Variants in TENM2 observed in about 807,000 individuals in gnomAD.
TENM2 encodes teneurin transmembrane protein 2, also known as teneurin-2.
TENM2 carries 52 observed loss-of-function variants against 245.2 expected under a neutral mutation model. The ratio of observed to expected loss-of-function variants is 0.21; its 90% confidence interval spans 0.17 to 0.27. TENM2 has a LOEUF of 0.27. TENM2 is among the 10% of genes least tolerant of loss of function. The pLI, the probability that TENM2 is intolerant of heterozygous loss-of-function variation, is 1.00. For missense variants in TENM2, 3,046 were observed against 3,666.8 expected, an observed-to-expected ratio of 0.83 and a Z score of 4.37; for synonymous variants, 1,363 against 1,438.9, an observed-to-expected ratio of 0.95 and a Z score of 1.19.
rs1320731184 is a variant in TENM2, at chr5:168,117,517, A to G, written c.1814-775A>G. Among the ~76,000 whole-genome samples, 15 of 152,234 alleles carry G rather than the reference A, an allele frequency of 9.9e-5. 1 individual carries two copies. Among genetic ancestry groups the G allele is most frequent in the Admixed American group, 9.8e-4 (15 of 15,288 alleles). ...GGCCCAGTAAGAGATTAACAATAAT[A>G]ATAAAATAGAACAATTAAAGCAGTA... On this transcript the variant is annotated intron_variant, in intron 9 of 28. Coordinates refer to ENST00000518659, the Ensembl canonical transcript of TENM2.
the TENM2 span, among the ~76,000 whole-genome samples, chr5:166,989,319 G>C: frequency 1.4e-5 from 2 of 142,344 alleles, no homozygotes; most frequent in Admixed American, 1.5e-4. Flanking sequence ...GAGTGCAGTG[G>C]CACAATCTCA....
intron 1 of TENM2, among the ~76,000 whole-genome samples, chr5:167,366,903 AATTG>A (rs1206647915): frequency 1.3e-5 from 2 of 152,234 alleles, no homozygotes; most frequent in Non-Finnish European, 1.5e-5. Context: ...TTAATACTGA[AATTG>A]ATTTTTAATT....
In TENM2 at chr5:167,401,952, A is replaced by G. The variant is rs566724617; in HGVS notation, c.502+26479A>G. On this transcript the variant is annotated intron_variant, in intron 2 of 28. Transcript: ENST00000518659. The stretch of plus-strand genomic sequence containing the variant: ...CTTCCCACCCCATGTCACCTCCCCA[A>G]CCAACAAATGCATATTTAATGGCCC... Among the ~76,000 whole-genome samples the G allele has an allele frequency of 2.7e-4, 41 of 152,192 alleles. 1 individual carries two copies. Among genetic ancestry groups the G allele is most frequent in the Admixed American group, 5.2e-4 (8 of 15,262 alleles).
chr5:167,955,152 C>T (rs578077455), intron 4 of TENM2, among the ~76,000 whole-genome samples: 1 of 152,130 alleles, frequency 6.6e-6, no homozygotes, highest in African/African-American at 2.4e-5. Context: ...TTTCAATGAT[C>T]GCCATTGTAA....
chr5:167,281,828 G>A (rs1163020438), upstream of TENM2, among the ~76,000 whole-genome samples: 3 of 151,902 alleles, frequency 2.0e-5, no homozygotes, highest in African/African-American at 4.8e-5. Flanking sequence ...GTGAAACCCC[G>A]TCTCTACTAA....
the TENM2 span, among the ~76,000 whole-genome samples, chr5:167,225,683 A>C: frequency 6.6e-6 from 1 of 151,976 alleles, no homozygotes; most frequent in Non-Finnish European, 1.5e-5. Flanking sequence ...GCCTCATAGA[A>C]TAGTTAGGAA....
At chr5:168,097,069 A>G (rs1793429130) in intron 8 of TENM2, among the ~76,000 whole-genome samples, 1 of 152,192 alleles carries the variant, frequency 6.6e-6, no homozygotes, top group Admixed American at 6.5e-5. Flanking sequence ...CTAAGCATAA[A>G]AGGACATTTG....
At chr5:167,388,633 G>A (rs1338237729) in intron 2 of TENM2, among the ~76,000 whole-genome samples, 1 of 151,864 alleles carries the variant, frequency 6.6e-6, no homozygotes, top group Non-Finnish European at 1.5e-5. Context: ...TTTGATGTAG[G>A]CATTTAGGGC....
intron 1 of TENM2, among the ~76,000 whole-genome samples, chr5:167,309,626 G>C (rs1237237928): frequency 6.6e-6 from 1 of 152,034 alleles, no homozygotes; most frequent in Non-Finnish European, 1.5e-5. Flanking sequence ...CTCAAAACCA[G>C]GCTATGACTA....
intron 7 of TENM2, among the ~76,000 whole-genome samples, chr5:168,080,528 G>A (rs982692283): frequency 6.6e-5 from 10 of 152,086 alleles, no homozygotes; most frequent in South Asian, 2.1e-4. Context: ...ATGTTAGGGC[G>A]TCAATTTTAG....
chr5:167,420,163 A>G (rs1763414266), intron 2 of TENM2, among the ~76,000 whole-genome samples: 1 of 152,214 alleles, frequency 6.6e-6, no homozygotes, highest in Admixed American at 6.5e-5. Flanking sequence ...GCAACTTGGA[A>G]AGCACGTGTC....
chr5:167,892,514 G>T (rs1217049358), intron 3 of TENM2, among the ~76,000 whole-genome samples: 1 of 152,184 alleles, frequency 6.6e-6, no homozygotes, highest in Admixed American at 6.5e-5. Flanking sequence ...ATCATGAGGG[G>T]AGAGCTTACA....
At chr5:167,438,824 G>A (rs115848723) in intron 2 of TENM2, among the ~76,000 whole-genome samples, 2,769 of 151,460 alleles carry the variant, frequency 0.018, 38 homozygotes, top group African/African-American at 0.037. Context: ...ACGGACCTTC[G>A]CTCTTGTCAC....
At chr5:167,144,295 G>A in the TENM2 span, among the ~76,000 whole-genome samples, 1 of 152,330 alleles carries the variant, frequency 6.6e-6, no homozygotes, top group East Asian at 1.9e-4. Context: ...GATCTGAGGA[G>A]GAAAGCTCTG....
intron 2 of TENM2, among the ~76,000 whole-genome samples, chr5:167,457,662 A>G (rs1440811725): frequency 6.6e-6 from 1 of 152,154 alleles, no homozygotes; most frequent in East Asian, 1.9e-4. Flanking sequence ...CTGCTTTTAA[A>G]GTCTCTTCTC....
chr5:167,069,390 A>G, the TENM2 span, among the ~76,000 whole-genome samples: 2 of 152,198 alleles, frequency 1.3e-5, no homozygotes, highest in African/African-American at 2.4e-5. Flanking sequence ...AAGAATCTCC[A>G]AATCTTTCCC....
At chr5:167,243,296 C>T in the TENM2 span, among the ~76,000 whole-genome samples, 1 of 152,112 alleles carries the variant, frequency 6.6e-6, no homozygotes, top group Non-Finnish European at 1.5e-5. Flanking sequence ...GTTGAATAAT[C>T]CCTATCATTG....
the TENM2 span, among the ~76,000 whole-genome samples, chr5:167,103,654 A>G: frequency 5.9e-5 from 9 of 152,138 alleles, no homozygotes; most frequent in African/African-American, 2.2e-4. Context: ...ATGTGCTTTT[A>G]TATTACTTCT....
chr5:167,896,132 C>T (rs972870051), intron 3 of TENM2, among the ~76,000 whole-genome samples: 1 of 152,222 alleles, frequency 6.6e-6, no homozygotes, highest in Non-Finnish European at 1.5e-5. Context: ...TCGCGGCCCT[C>T]CCCACCTGGG....
Sources: allele counts gnomAD v4.1 joint callset (sites outside exome capture counted in the v4.1 genomes callset), GRCh38; gene constraint gnomAD v4.1.1; transcripts MANE v1.5; gene names NCBI Gene and HGNC (gene_info 2026-07-23, HGNC 2026-07-21).